The following KDM1B variants were observed in gnomAD, a reference collection of about 807,000 sequenced individuals.
KDM1B encodes lysine demethylase 1B.
KDM1B carries 63 observed loss-of-function variants against 107.4 expected under a neutral mutation model. The ratio of observed to expected loss-of-function variants is 0.59; its 90% CI spans 0.48 to 0.72. The LOEUF is 0.72. Ranked by LOEUF, KDM1B falls within the 30% of genes least tolerant of loss-of-function variation. The pLI is 0.00. For missense variants in KDM1B, 749 were observed against 1,020.8 expected (o/e 0.73, Z 3.63); for synonymous variants, 363 against 363.9 (o/e 1.00, Z 0.03).
At chr6:18,171,952 G>A (rs759213897) in intron 7 of KDM1B, among the ~76,000 whole-genome samples, 24 of 152,164 alleles carry the variant, frequency 1.6e-4, no homozygotes, top group Non-Finnish European at 8.8e-5. Flanking sequence ...TCTCATTGGC[G>A]AGAACAGGAT....
At chr6:18,174,284 C>G (rs1376686852) in intron 7 of KDM1B, among the ~76,000 whole-genome samples, 1 of 151,900 alleles carries the variant, frequency 6.6e-6, no homozygotes, top group East Asian at 1.9e-4. Context: ...TTCTAGGACC[C>G]TTATATTTCC....
chr6:18,208,435 C>T (rs1214503769), intron 17 of KDM1B, among the ~76,000 whole-genome samples: 1 of 151,024 alleles, frequency 6.6e-6, no homozygotes, highest in Non-Finnish European at 1.5e-5. Flanking sequence ...GAATTGTGTT[C>T]CTTGAGGTGA....
In KDM1B at chr6:18,212,642, T is replaced by G. The variant is rs1788929080; in HGVS notation, c.1983+38T>G. 1 of 1,257,728 alleles carries G rather than the reference T, an allele frequency of 8.0e-7. No homozygotes were observed. The highest frequency in any genetic ancestry group is 1.2e-6 in the Non-Finnish European group (1 of 854,782). The allele number at this position is 1,257,728 out of a possible 1,614,324, so 77.9% of individuals were successfully genotyped here. ...ACCTCATCCTCAGCAAGAAAGAGAT[T>G]AATGTCAGATGATAGATGTTAACTT... On this transcript the variant is annotated intron_variant, in intron 18 of 21. Coordinates refer to ENST00000650836, the MANE Select transcript of KDM1B (RefSeq NM_001364614.2). This position sits in a 1 kb window ranked among gnomAD's most constrained non-coding sequence, Gnocchi z 5.2.
intron 7 of KDM1B, among the ~76,000 whole-genome samples, chr6:18,171,853 AAG>A (rs1785686160): frequency 6.6e-6 from 1 of 152,160 alleles, no homozygotes; most frequent in African/African-American, 2.4e-5. Flanking sequence ...GTCAAAGGGC[AAG>A]AGGGGAGTAT....
rs11323463 is a variant in KDM1B at position 18,203,852 on chromosome 6, CAA to C, written c.1532-1668_1532-1667del. On this transcript the variant is annotated intron_variant, in intron 14 of 21. Transcript: ENST00000650836. This position sits in a 1 kb window ranked among gnomAD's most constrained non-coding sequence, Gnocchi z 5.5. ...TTGATGACAAGCGAAACTCCGTCTC[CAA>C]AAAAAAAAAAAAAAAATCACATTGA... Among the ~76,000 whole-genome samples the C allele has an allele frequency of 0.18, 23,284 of 131,646 alleles. 2,051 individuals are homozygous for C. Among genetic ancestry groups the C allele is most frequent in the Admixed American group, 0.3 (3,922 of 13,288 alleles). The allele number at this position is 131,646 out of a possible 152,430, so 86.4% of individuals were successfully genotyped here.
rs138998081 is a variant in KDM1B at position 18,207,529 on chromosome 6, A to G, written c.1791A>G (p.Pro597=). Residue 597 remains proline (P), a splice_region_variant and synonymous_variant, in exon 16 of 22, where the codon CCA becomes CCG. Transcript: ENST00000650836. ...GGCTTGACATTCAACTCAAATCTCC[A>G]GTGAGTATCAACTGCTGGGAGGCTC... ...AEGLDIQLKS[P]VQCIDYSGDE... The G allele has an allele frequency of 1.2e-5, 19 of 1,614,050 alleles. No homozygotes were observed. The highest frequency in any genetic ancestry group is 3.3e-5 in the South Asian group (3 of 91,078).
Position 18,204,813 on chromosome 6 carries a change from G to A in KDM1B, c.1532-724G>A, listed in dbSNP as rs9465117. On this transcript the variant is annotated intron_variant, in intron 14 of 21. Coordinates refer to ENST00000650836, the MANE Select transcript of KDM1B (RefSeq NM_001364614.2). The surrounding 1 kb of genome is among the most constrained non-coding windows in gnomAD (Gnocchi z 4.9). Reference sequence around the variant, plus strand: ...AATGGATGGGATTGGGTGGGAGAAGGCATTCCCATGAGGGAGAGTGGGAGG... The same window carrying A: ...AATGGATGGGATTGGGTGGGAGAAGACATTCCCATGAGGGAGAGTGGGAGG... Among the ~76,000 whole-genome samples the A allele has an allele frequency of 6.6e-6, 1 of 152,150 alleles. No individual in the cohort carries two copies. Among genetic ancestry groups the A allele is most frequent in the Non-Finnish European group, 1.5e-5 (1 of 68,040 alleles).
chr6:18,160,728 ACT>A (rs1376494803), intron 3 of KDM1B, among the ~76,000 whole-genome samples: 3 of 135,302 alleles, frequency 2.2e-5, no homozygotes, highest in Admixed American at 7.4e-5. Context: ...ACAGAGTGAG[ACT>A]CTGTCTCAAA....
At chr6:18,175,935 GC>G (rs536724253) in intron 7 of KDM1B, among the ~76,000 whole-genome samples, 193 of 152,196 alleles carry the variant, frequency 1.3e-3, no homozygotes, top group African/African-American at 4.5e-3. Context: ...GCTTTGTCTT[GC>G]TTTGGCTATG....
intron 21 of KDM1B, among the ~76,000 whole-genome samples, chr6:18,218,114 ATC>A (rs1789388826): frequency 2.0e-5 from 3 of 151,752 alleles, no homozygotes; most frequent in African/African-American, 7.3e-5. Context: ...TTATATTGCC[ATC>A]TCTCTTTCTT....
rs61056956 is a variant in KDM1B at position 18,161,936 on chromosome 6, C to CT, written c.215+493dup. On this transcript the variant is annotated intron_variant, in intron 4 of 21. Transcript: ENST00000650836. ...TGTGGGGTGACACAAGTATGATCTT[C>CT]TTTTTTTTTTTCTTTTTTACTTCCA... Among the ~76,000 whole-genome samples, 68 of 146,434 alleles carry CT rather than the reference C, an allele frequency of 4.6e-4. 2 individuals are homozygous for CT. The highest frequency in any genetic ancestry group is 9.5e-4 in the African/African-American group (38 of 39,892).
rs1368178488 is a variant in KDM1B at position 18,162,102 on chromosome 6, G to A, written c.215+648G>A. On this transcript the variant is annotated intron_variant, in intron 4 of 21. Transcript: ENST00000650836. This position sits in a 1 kb window ranked among gnomAD's most constrained non-coding sequence, Gnocchi z 4.1. ...TTGAGAGACCAAGATGGGCGGATCA[G>A]TTGAGGTCAGGAGTTCCAGACCAGC... Among the ~76,000 whole-genome samples the A allele has an allele frequency of 6.6e-6, 1 of 152,076 alleles. No homozygotes were observed. Among genetic ancestry groups the A allele is most frequent in the African/African-American group, 2.4e-5 (1 of 41,412 alleles).
At chr6:18,169,164 G>T (rs186225477) in intron 6 of KDM1B, among the ~76,000 whole-genome samples, 7 of 151,554 alleles carry the variant, frequency 4.6e-5, no homozygotes, top group South Asian at 4.2e-4. Context: ...GAGCCACCTC[G>T]CCCAGTCTTC....
chr6:18,186,454 AT>A lies in KDM1B; in HGVS notation c.573+646del, dbSNP rs1342195499. 6.6e-6 allele frequency among the ~76,000 whole-genome samples: 1 copy of A among 152,110 alleles called. No individual in the cohort carries two copies. The highest frequency in any genetic ancestry group is 2.4e-5 in the African/African-American group (1 of 41,424). ...TCCTGAGTCATTCTGATTTTCAGTG[AT>A]TCAGGATTGGATTGTTCTAGATGTC... is the stretch of plus-strand genomic sequence containing the variant. On this transcript the variant is annotated intron_variant, in intron 8 of 21. Transcript: ENST00000650836. This position sits in a 1 kb window ranked among gnomAD's most constrained non-coding sequence, Gnocchi z 5.6.
rs1789034856 is a variant in KDM1B at position 18,213,910 on chromosome 6, T to C, written c.2109+129T>C. ...AGACCCTGGGTCTATGTTTATATTC[T>C]GGGAGGACACTTGGACTGGACATTT... On this transcript the variant is annotated intron_variant, in intron 19 of 21. Transcript: ENST00000650836. The surrounding 1 kb of genome is among the most constrained non-coding windows in gnomAD (Gnocchi z 5.9). 2 of 1,016,700 alleles carry C rather than the reference T, an allele frequency of 2.0e-6. No individual in the cohort carries two copies. Among genetic ancestry groups the C allele is most frequent in the South Asian group, 1.5e-5 (1 of 65,110 alleles). 63.0% of individuals were successfully genotyped at this position (1,016,700 alleles called of 1,614,324 possible).
chr6:18,217,432 G>A (rs868037341), intron 20 of KDM1B, among the ~76,000 whole-genome samples: 1 of 147,920 alleles, frequency 6.8e-6, no homozygotes, highest in East Asian at 2.0e-4. Flanking sequence ...AGGCTGGAGT[G>A]CAGTGGCGCG....
At chr6:18,178,976 A>C (rs1320921000) in intron 7 of KDM1B, among the ~76,000 whole-genome samples, 1 of 152,116 alleles carries the variant, frequency 6.6e-6, no homozygotes, top group East Asian at 1.9e-4. Flanking sequence ...AGAGCAGACA[A>C]CCTTGCCTTG....
intron 7 of KDM1B, among the ~76,000 whole-genome samples, chr6:18,179,147 C>G (rs567152821): frequency 6.6e-6 from 1 of 152,274 alleles, no homozygotes; most frequent in South Asian, 2.1e-4. Flanking sequence ...TTTCCTGCAT[C>G]TTTTATGATG....
intron 7 of KDM1B, among the ~76,000 whole-genome samples, chr6:18,179,720 CTTTCT>C (rs1786299160): frequency 6.6e-6 from 1 of 151,460 alleles, no homozygotes; most frequent in Non-Finnish European, 1.5e-5. Flanking sequence ...TCTCGGTATC[CTTTCT>C]TTTATTCTTG....
Sources: allele counts gnomAD v4.1 joint callset (sites outside exome capture counted in the v4.1 genomes callset), GRCh38; gene constraint gnomAD v4.1.1; non-coding constraint Gnocchi (gnomAD v3.1); transcripts MANE v1.5; gene names NCBI Gene and HGNC (gene_info 2026-07-23, HGNC 2026-07-21).